Variants in KANSL1 observed in about 807,000 individuals in gnomAD.
The protein encoded by KANSL1 is MLL1/MLL complex subunit KANSL1.
KANSL1 carries 22 observed loss-of-function variants against 103.6 expected under a neutral mutation model. The ratio of observed to expected loss-of-function variants is 0.21; its 90% CI spans 0.15 to 0.30. KANSL1 has a LOEUF of 0.30. Ranked by LOEUF, KANSL1 falls within the 10% of genes least tolerant of loss-of-function variation. KANSL1 has a pLI of 1.00. For missense variants in KANSL1, 1,337 were observed against 1,399.8 expected (o/e 0.96, Z 0.72); for synonymous variants, 600 against 527.6 (o/e 1.14, Z -1.88).
At chr17:46,149,719 T>C (rs1003546213) in intron 2 of KANSL1, among the ~76,000 whole-genome samples, 1 of 152,202 alleles carries the variant, frequency 6.6e-6, no homozygotes, top group Non-Finnish European at 1.5e-5. Flanking sequence ...TAAAAGTCAC[T>C]TTCCTTGGCT....
chr17:46,211,844 T>C (rs1228320116), intron 1 of KANSL1, among the ~76,000 whole-genome samples: 1 of 152,246 alleles, frequency 6.6e-6, no homozygotes, highest in African/African-American at 2.4e-5. Flanking sequence ...TAAAAATAGA[T>C]TCAAGTGCTC....
rs118164689 is a variant in KANSL1, at chr17:46,050,207, C to T, written c.2020+326G>A. The stretch of plus-strand genomic sequence containing the variant: ...CTGGGATTACAGGCGTGACCCACCA[C>T]GCCTGGCCCAGACAAAACATTTTTA... On this transcript the variant is annotated intron_variant, in intron 7 of 14. Transcript: ENST00000432791. The T allele has an allele frequency of 4.5e-5, 12 of 269,564 alleles. No individual in the cohort carries two copies. In the East Asian group the frequency reaches 8.1e-4, roughly 18 times the overall value. The allele number at this position is 269,564 out of a possible 1,614,324, so 16.7% of individuals were successfully genotyped here.
At chr17:46,036,308 A>C (rs969708023) in intron 10 of KANSL1, among the ~76,000 whole-genome samples, 3 of 152,268 alleles carry the variant, frequency 2.0e-5, no homozygotes, top group Middle Eastern at 3.4e-3. Flanking sequence ...ACTGACAAAA[A>C]CACTCGCTCT....
intron 4 of KANSL1, among the ~76,000 whole-genome samples, chr17:46,076,495 C>CAAAAA (rs36086421): frequency 1.3e-5 from 1 of 79,526 alleles, no homozygotes. Flanking sequence ...GACTTCATCT[C>CAAAAA]AAAAAAAAAA....
intron 2 of KANSL1, among the ~76,000 whole-genome samples, chr17:46,097,263 C>T (rs1208082732): frequency 6.6e-6 from 1 of 151,978 alleles, no homozygotes; most frequent in Non-Finnish European, 1.5e-5. Context: ...GAAACAACTA[C>T]AAAAAAACTA....
chr17:46,107,411 C>T (rs2042614850), intron 2 of KANSL1, among the ~76,000 whole-genome samples: 1 of 152,226 alleles, frequency 6.6e-6, no homozygotes, highest in Non-Finnish European at 1.5e-5. Flanking sequence ...CCAATTTCCA[C>T]ATTTCAGTCC....
At chr17:46,169,312 T>G (rs1167081952) in intron 2 of KANSL1, among the ~76,000 whole-genome samples, 1 of 152,208 alleles carries the variant, frequency 6.6e-6, no homozygotes, top group Non-Finnish European at 1.5e-5. Flanking sequence ...AGAAGTGGAC[T>G]TGAGCACAGT....
At chr17:46,158,032 G>C (rs115692937) in intron 2 of KANSL1, among the ~76,000 whole-genome samples, 20 of 152,332 alleles carry the variant, frequency 1.3e-4, no homozygotes, top group African/African-American at 2.6e-4. Context: ...AAAAACCCCA[G>C]ATCTTTTTGT....
At chr17:46,109,874 C>G (rs2042729797) in intron 2 of KANSL1, among the ~76,000 whole-genome samples, 1 of 152,208 alleles carries the variant, frequency 6.6e-6, no homozygotes, top group Non-Finnish European at 1.5e-5. Context: ...CTTAAACACA[C>G]TTGAGAAACA....
intron 1 of KANSL1, among the ~76,000 whole-genome samples, chr17:46,172,745 A>C (rs542646244): frequency 4.6e-5 from 7 of 152,370 alleles, no homozygotes; most frequent in African/African-American, 1.4e-4. Context: ...AGAAGTATAG[A>C]TTATACTACA....
chr17:46,171,397 T>C lies in KANSL1; in HGVS notation c.747A>G (p.Ser249=), dbSNP rs774052627. 1 of 1,614,088 alleles carries C rather than the reference T, an allele frequency of 6.2e-7. No homozygotes were observed. Among genetic ancestry groups the C allele is most frequent in the Non-Finnish European group, 8.5e-7 (1 of 1,180,016 alleles). Reference sequence around the variant, plus strand: ...AGTTAGAGCTGGAGTCTGTACCAGGTGATAATCTACTGCTTCCTTGAAGTG... The same window carrying C: ...AGTTAGAGCTGGAGTCTGTACCAGGCGATAATCTACTGCTTCCTTGAAGTG... ...QPALQGSSRL[S]PGTDSSSNLG... The change falls in exon 2 of 15, where the codon TCA becomes TCG. Residue 249 remains serine (S), a synonymous_variant. Coordinates refer to ENST00000432791, the MANE Select transcript of KANSL1 (RefSeq NM_015443.4).
At chr17:46,212,985 C>A (rs1302044422) in intron 1 of KANSL1, among the ~76,000 whole-genome samples, 1 of 152,258 alleles carries the variant, frequency 6.6e-6, no homozygotes, top group Non-Finnish European at 1.5e-5. Context: ...GAACTCTGAT[C>A]ATGTTCTTTG....
At chr17:46,069,727 G>A (rs1398725899) in intron 4 of KANSL1, among the ~76,000 whole-genome samples, 1 of 152,082 alleles carries the variant, frequency 6.6e-6, no homozygotes, top group Non-Finnish European at 1.5e-5. Flanking sequence ...CTGGGAAAGA[G>A]AGAGAGAGAG....
In KANSL1 at chr17:46,170,807, T is replaced by C. The variant is rs1401973884; in HGVS notation, c.1289+48A>G. On this transcript the variant is annotated intron_variant, in intron 2 of 14. Coordinates refer to ENST00000432791, the MANE Select transcript of KANSL1 (RefSeq NM_015443.4). Reference sequence around the variant, plus strand: ...ATAATGGCGATTCATTCATTCTTCCTTGTGCCAACATTTCTCAAGAATGCT... The same window carrying C: ...ATAATGGCGATTCATTCATTCTTCCCTGTGCCAACATTTCTCAAGAATGCT... 3.3e-6 allele frequency: 5 copies of C among 1,511,794 alleles called. No homozygotes were observed. The African/African-American group carries it at 7.1e-5, about 21-fold the overall frequency. 93.6% of individuals were successfully genotyped at this position (1,511,794 alleles called of 1,614,324 possible). A position where few individuals can be genotyped will look rare whatever the true frequency, so the allele number is the denominator to read the frequency against.
intron 6 of KANSL1, among the ~76,000 whole-genome samples, chr17:46,053,207 T>C (rs956435995): frequency 1.3e-5 from 2 of 150,366 alleles, no homozygotes; most frequent in Admixed American, 6.6e-5. Context: ...CACTTGAACC[T>C]GGGAGGCAGA....
rs748350342 is a variant in KANSL1 at position 46,171,254 on chromosome 17, C to T, written c.890G>A (p.Arg297His). ...TAAGCGCTTTTGTAATCTGCGGGCA[C>T]GGCTCTCAATGTCAGCCTGTCGCCG... Reference protein sequence around the residue: ...LLRRQADIESRARRLQKRLQV... With the variant: ...LLRRQADIESHARRLQKRLQV... The change falls in exon 2 of 15, where the codon CGT (arginine) becomes CAT (histidine). Residue 297 changes from arginine to histidine, a missense_variant. Arg to His is a conservative substitution (Grantham distance 29). Coordinates refer to ENST00000432791, the MANE Select transcript of KANSL1 (RefSeq NM_015443.4). 3.4e-5 allele frequency: 55 copies of T among 1,614,082 alleles called. No homozygotes were observed. Among genetic ancestry groups the T allele is most frequent in the Non-Finnish European group, 4.1e-5 (48 of 1,180,014 alleles).
chr17:46,052,963 CCAAAAA>C (rs1390370429), intron 6 of KANSL1, among the ~76,000 whole-genome samples: 22 of 43,138 alleles, frequency 5.1e-4, no homozygotes, highest in African/African-American at 2.1e-3. Context: ...GATCCTGTCT[CCAAAAA>C]AAAAAAAAAA....
chr17:46,213,633 T>G (rs1436702982), intron 1 of KANSL1, among the ~76,000 whole-genome samples: 1 of 150,334 alleles, frequency 6.7e-6, no homozygotes, highest in Non-Finnish European at 1.5e-5. Flanking sequence ...GTGCAGGAAC[T>G]AGGCGGGGTG....
At chr17:46,079,361 T>G (rs1020399150) in intron 4 of KANSL1, among the ~76,000 whole-genome samples, 22 of 152,204 alleles carry the variant, frequency 1.4e-4, no homozygotes, top group South Asian at 4.1e-4. Flanking sequence ...ACTGGGACAT[T>G]ACCTAACAAG....
Sources: gnomAD v4.1 joint callset for allele counts (sites outside exome capture counted in the v4.1 genomes callset) on GRCh38, gnomAD v4.1.1 for gene constraint, MANE v1.5 for transcripts, NCBI Gene and HGNC (gene_info 2026-07-23, HGNC 2026-07-21) for gene names.